Variants in RSPRY1 observed in about 807,000 individuals in gnomAD.
RSPRY1 encodes RING finger and SPRY domain-containing protein 1.
A neutral mutation model predicts 73.1 loss-of-function variants in RSPRY1; 23 were observed. That is an observed-to-expected ratio of 0.31 (90% CI 0.23 to 0.45). RSPRY1 has a LOEUF of 0.45. Ranked by LOEUF, RSPRY1 falls within the 20% of genes least tolerant of loss-of-function variation. The pLI is 1.00. For synonymous variants in RSPRY1, 226 were observed against 251.4 expected (o/e 0.90, Z 0.95); for missense variants, 448 against 698.7 (o/e 0.64, Z 4.05).
At chr16:57,210,712 C>CA (rs754471522) in intron 4 of RSPRY1, among the ~76,000 whole-genome samples, 1,613 of 125,012 alleles carry the variant, frequency 0.013, 16 homozygotes, top group Middle Eastern at 0.041. Context: ...AACTCTGTCT[C>CA]AAAAAAAAAA....
intron 4 of RSPRY1, among the ~76,000 whole-genome samples, chr16:57,211,181 C>T (rs1275235041): frequency 6.6e-6 from 1 of 151,278 alleles, no homozygotes; most frequent in Non-Finnish European, 1.5e-5. Flanking sequence ...GTGATCCCTG[C>T]ACTTTGGGAG....
intron 6 of RSPRY1, among the ~76,000 whole-genome samples, chr16:57,215,068 G>A (rs2146296910): frequency 6.6e-6 from 1 of 152,204 alleles, no homozygotes; most frequent in Admixed American, 6.5e-5. Flanking sequence ...GGTGGTATGG[G>A]TAATGAGAGC....
In RSPRY1 at chr16:57,216,894, T is replaced by C; in HGVS notation, c.770-10T>C. The C allele has an allele frequency of 1.2e-6, 2 of 1,611,978 alleles. No individual in the cohort carries two copies. The highest frequency in any genetic ancestry group is 1.7e-6 in the Non-Finnish European group (2 of 1,178,254). ...CATTGTTAATTCAAGGATTATGTCT[T>C]TCCAAACAGGTGAAAATAAATTGAC... On this transcript the variant is annotated splice_polypyrimidine_tract_variant and intron_variant, in intron 7 of 14. Transcript: ENST00000394420.
intron 14 of RSPRY1, among the ~76,000 whole-genome samples, chr16:57,235,617 A>C (rs139609273): frequency 1.5e-3 from 221 of 152,278 alleles, no homozygotes; most frequent in African/African-American, 5.0e-3. Flanking sequence ...GGCAGCCTGG[A>C]CCCTATAGAA....
chr16:57,199,853 C>G (rs1394664235), intron 1 of RSPRY1, among the ~76,000 whole-genome samples: 2 of 145,640 alleles, frequency 1.4e-5, no homozygotes, highest in African/African-American at 5.1e-5. Flanking sequence ...TTTTTTTTTT[C>G]CCACTCCAAA....
At chr16:57,189,367 T>A (rs145108388) in intron 1 of RSPRY1, among the ~76,000 whole-genome samples, 1 of 152,114 alleles carries the variant, frequency 6.6e-6, no homozygotes, top group Non-Finnish European at 1.5e-5. Flanking sequence ...TCTGCTTTTG[T>A]CAGCAAAATA....
At chr16:57,212,596 T>C (rs1187972844) in intron 4 of RSPRY1, among the ~76,000 whole-genome samples, 5 of 152,124 alleles carry the variant, frequency 3.3e-5, no homozygotes, top group Non-Finnish European at 7.4e-5. Context: ...CATTCTGAGT[T>C]TATTTAACAC....
chr16:57,235,993 G>C (rs2075294317), intron 14 of RSPRY1, among the ~76,000 whole-genome samples: 1 of 152,174 alleles, frequency 6.6e-6, no homozygotes, highest in African/African-American at 2.4e-5. Flanking sequence ...GCACTTAAGG[G>C]AAGTAGAGTG....
intron 1 of RSPRY1, among the ~76,000 whole-genome samples, chr16:57,202,719 A>G (rs1340909063): frequency 5.3e-5 from 8 of 152,092 alleles, no homozygotes; most frequent in Non-Finnish European, 7.4e-5. Context: ...CATCTGTGGT[A>G]TCACTTGGCC....
intron 1 of RSPRY1, among the ~76,000 whole-genome samples, chr16:57,201,118 A>G (rs1378746225): frequency 6.6e-6 from 1 of 151,114 alleles, no homozygotes; most frequent in African/African-American, 2.4e-5. Context: ...CTCACTTCCC[A>G]GGCGGAGTGG....
intron 1 of RSPRY1, among the ~76,000 whole-genome samples, chr16:57,195,027 C>T (rs530284507): frequency 1.3e-5 from 2 of 151,668 alleles, no homozygotes; most frequent in African/African-American, 4.8e-5. Flanking sequence ...GCTTCATTTA[C>T]CCCCAAGAAA....
rs750573817 is a variant in RSPRY1 at position 57,221,255 on chromosome 16, T to A, written c.1018-17T>A. 21 of 1,612,228 alleles carry A rather than the reference T, an allele frequency of 1.3e-5. No individual in the cohort carries two copies. Among genetic ancestry groups the A allele is most frequent in the Admixed American group, 6.7e-5 (4 of 59,824 alleles). ...CAGGCCCTCATAGTTGATTGACACA[T>A]TTTTTGGTTTTGCCAGGCTCGCTGT... is the stretch of plus-strand genomic sequence containing the variant. On this transcript the variant is annotated splice_polypyrimidine_tract_variant and intron_variant, in intron 9 of 14. Transcript: ENST00000394420.
upstream of RSPRY1, chr16:57,186,253 A>T (rs1367915398): frequency 6.9e-6 from 6 of 863,444 alleles, no homozygotes; most frequent in South Asian, 1.6e-4. Context: ...GCTGTCAAGG[A>T]GAGGGCTTGC....
chr16:57,209,116 A>C lies in RSPRY1; in HGVS notation c.445A>C (p.Ile149Leu), dbSNP rs1233616341. 6.2e-7 allele frequency: 1 copy of C among 1,613,472 alleles called. No homozygotes were observed. The highest frequency in any genetic ancestry group is 8.5e-7 in the Non-Finnish European group (1 of 1,179,574). ...LDVVQSLIRVIPLEDPLGPAV... is the reference protein window; with the variant it reads ...LDVVQSLIRVLPLEDPLGPAV... ...TGTTGTCCAGTCTTTAATTAGAGTT[A>C]TTCCACTGGAAGATCCACTGGGACC... is the stretch of plus-strand genomic sequence containing the variant. The change falls in exon 4 of 15, where the codon ATT (isoleucine) becomes CTT (leucine). Residue 149 changes from isoleucine to leucine, a missense_variant. Coordinates refer to ENST00000394420, the MANE Select transcript of RSPRY1 (RefSeq NM_133368.3).
intron 1 of RSPRY1, among the ~76,000 whole-genome samples, chr16:57,190,646 A>G (rs1188987455): frequency 2.0e-5 from 3 of 152,240 alleles, no homozygotes; most frequent in Non-Finnish European, 4.4e-5. Context: ...GAAGTAGTAA[A>G]TGCCGTAACT....
chr16:57,216,007 A>C, intron 6 of RSPRY1, 100 bp from the exon 7 acceptor site: 1 of 875,244 alleles, frequency 1.1e-6, no homozygotes, highest in East Asian at 2.5e-5. Context: ...ACTCGAAAAA[A>C]CATCTAGCAC....
At chr16:57,234,834 A>G (rs1437109193) in intron 13 of RSPRY1, among the ~76,000 whole-genome samples, 1 of 152,242 alleles carries the variant, frequency 6.6e-6, no homozygotes, top group East Asian at 1.9e-4. Flanking sequence ...ACATAAAAAG[A>G]GCACTGGACT....
chr16:57,220,978 G>A (rs1279375971), intron 9 of RSPRY1, 131 bp downstream of exon 9: 2 of 716,092 alleles, frequency 2.8e-6, no homozygotes, highest in East Asian at 2.7e-5. Flanking sequence ...CTGACTTCAG[G>A]GGGAAGTCTC....
intron 1 of RSPRY1, among the ~76,000 whole-genome samples, chr16:57,202,755 A>G (rs1282132777): frequency 4.6e-5 from 7 of 151,848 alleles, no homozygotes; most frequent in African/African-American, 1.7e-4. Context: ...TAATAGTGAA[A>G]ACGTCTGTTG....
Sources: gnomAD v4.1 joint callset for allele counts (sites outside exome capture counted in the v4.1 genomes callset) on GRCh38, gnomAD v4.1.1 for gene constraint, MANE v1.5 for transcripts, NCBI Gene and HGNC (gene_info 2026-07-23, HGNC 2026-07-21) for gene names.